Variants in ADIPOR2 observed in about 807,000 individuals in gnomAD.
ADIPOR2 encodes adiponectin receptor 2, also known as adiponectin receptor protein 2.
Under a neutral mutation model 40.9 loss-of-function variants are expected in ADIPOR2, and 18 were observed. That is an observed-to-expected ratio of 0.44 (90% CI 0.30 to 0.65). ADIPOR2 has a LOEUF of 0.65. Ranked by LOEUF, ADIPOR2 falls within the 30% of genes least tolerant of loss-of-function variation. ADIPOR2 has a pLI of 0.09. For missense variants in ADIPOR2, 283 were observed against 479.2 expected, an observed-to-expected ratio of 0.59 and a Z score of 3.82; for synonymous variants, 165 against 166.4, an observed-to-expected ratio of 0.99 and a Z score of 0.06.
At chr12:1,741,111 A>G (rs2094741956) in intron 1 of ADIPOR2, among the ~76,000 whole-genome samples, 1 of 152,174 alleles carries the variant, frequency 6.6e-6, no homozygotes, top group Non-Finnish European at 1.5e-5. Flanking sequence ...TGGTGGGGCA[A>G]AATCATTAAG....
At chr12:1,698,713 C>T (rs1442393621) in intron 1 of ADIPOR2, among the ~76,000 whole-genome samples, 1 of 152,032 alleles carries the variant, frequency 6.6e-6, no homozygotes. Flanking sequence ...ATATTTATTG[C>T]AAGCTAATTC....
chr12:1,695,033 G>GT (rs1337852552), intron 1 of ADIPOR2, among the ~76,000 whole-genome samples: 1 of 67,538 alleles, frequency 1.5e-5, no homozygotes, highest in African/African-American at 3.9e-5. Context: ...TTTTTGTTTT[G>GT]TTTTTTTAAG....
rs1174410490 is a variant in ADIPOR2, at chr12:1,704,854, C to T, written c.-87+13663C>T. Among the ~76,000 whole-genome samples the T allele has an allele frequency of 3.3e-5, 5 of 151,910 alleles. No homozygotes were observed. The South Asian group carries it at 1.0e-3, about 31-fold the overall frequency. On this transcript the variant is annotated intron_variant, in intron 1 of 7. Coordinates refer to ENST00000357103, the MANE Select transcript of ADIPOR2 (RefSeq NM_024551.3). Reference sequence around the variant, plus strand: ...TTTTTTCTTTTTATTCCTTTTCTTTCTCATACTGGTGGTCAGAAGAAGGCC... The same window carrying T: ...TTTTTTCTTTTTATTCCTTTTCTTTTTCATACTGGTGGTCAGAAGAAGGCC...
chr12:1,698,260 CA>C (rs2094643384), intron 1 of ADIPOR2, among the ~76,000 whole-genome samples: 2 of 151,082 alleles, frequency 1.3e-5, no homozygotes, highest in Non-Finnish European at 2.9e-5. Flanking sequence ...ATTTCTGAGA[CA>C]GGGTCTTGCT....
At position 1,780,519 on chromosome 12, in the gene ADIPOR2, C is replaced by T. The variant is rs1441759078; in HGVS notation, c.532C>T (p.Leu178=). Residue 178 remains leucine, a synonymous_variant, in exon 5 of 8, where the codon CTG becomes TTG. Coordinates refer to ENST00000357103, the MANE Select transcript of ADIPOR2 (RefSeq NM_024551.3). ...CCCAAATATCTCCTTTGTGGCCCCT[C>T]TGCAAGAGAAGGTGGTCTTTGGATT... ...FRPNISFVAP[L]QEKVVFGLFF... is the part of the protein sequence containing the mutation. 1 of 1,613,970 alleles carries T rather than the reference C, an allele frequency of 6.2e-7. No individual in the cohort carries two copies. Among genetic ancestry groups the T allele is most frequent in the South Asian group, 1.1e-5 (1 of 91,054 alleles).
rs1262091208 is a variant in ADIPOR2 at position 1,786,513 on chromosome 12, T to C, written c.*441T>C. The C allele has an allele frequency of 6.4e-6, 1 of 156,378 alleles. No individual in the cohort carries two copies. The highest frequency in any genetic ancestry group is 1.4e-5 in the Non-Finnish European group (1 of 70,638). 9.7% of individuals were successfully genotyped at this position (156,378 alleles called of 1,614,324 possible). A position where few individuals can be genotyped will look rare whatever the true frequency, so the allele number is the denominator to read the frequency against. On this transcript the variant is annotated 3_prime_UTR_variant, in exon 8 of 8. Transcript: ENST00000357103. ...CCGATAAGGGGTGGGAGTGTGATTT[T>C]AAATGCTCTTTTGGGAGAACAAAGA...
At chr12:1,760,301 C>A (rs1272071097) in intron 2 of ADIPOR2, among the ~76,000 whole-genome samples, 1 of 152,134 alleles carries the variant, frequency 6.6e-6, no homozygotes, top group Non-Finnish European at 1.5e-5. Flanking sequence ...CATTTACTCA[C>A]AGTTGACTCT....
intron 1 of ADIPOR2, among the ~76,000 whole-genome samples, chr12:1,720,210 G>T (rs974011187): frequency 6.6e-6 from 1 of 152,174 alleles, no homozygotes; most frequent in Non-Finnish European, 1.5e-5. Context: ...TATTTTTGAT[G>T]TGTGAATAGT....
intron 1 of ADIPOR2, among the ~76,000 whole-genome samples, chr12:1,732,047 G>C (rs1385984483): frequency 6.6e-6 from 1 of 151,602 alleles, no homozygotes; most frequent in African/African-American, 2.4e-5. Context: ...TTATGTTATA[G>C]AAAAATTGAG....
At chr12:1,747,859 G>T (rs1280510372) in intron 1 of ADIPOR2, among the ~76,000 whole-genome samples, 1 of 151,646 alleles carries the variant, frequency 6.6e-6, no homozygotes, top group Non-Finnish European at 1.5e-5. Flanking sequence ...TTTTCTCCTT[G>T]ACTTTGACTT....
intron 1 of ADIPOR2, among the ~76,000 whole-genome samples, chr12:1,735,223 A>G (rs1045701523): frequency 2.6e-5 from 4 of 152,206 alleles, no homozygotes; most frequent in Non-Finnish European, 5.9e-5. Flanking sequence ...CTTCCTACCC[A>G]TGAGCATGGA....
chr12:1,750,173 C>G (rs901564307), intron 1 of ADIPOR2, among the ~76,000 whole-genome samples: 1 of 151,882 alleles, frequency 6.6e-6, no homozygotes, highest in South Asian at 2.1e-4. Context: ...TTTTGCTAAG[C>G]GTATACTTAA....
chr12:1,762,391 G>A (rs1474088230), intron 2 of ADIPOR2, among the ~76,000 whole-genome samples: 1 of 152,090 alleles, frequency 6.6e-6, no homozygotes. Flanking sequence ...GTTCCATGGT[G>A]TAAGAATCTT....
chr12:1,757,663 T>C, intron 2 of ADIPOR2: 1 of 1,289,784 alleles, frequency 7.8e-7, no homozygotes, highest in African/African-American at 1.4e-5. Context: ...GTATTTGGCC[T>C]CCTCAGGTGT....
intron 2 of ADIPOR2, among the ~76,000 whole-genome samples, chr12:1,771,517 G>T (rs1247771456): frequency 2.6e-5 from 4 of 152,132 alleles, no homozygotes; most frequent in Admixed American, 6.5e-5. Context: ...AAGGATAGAT[G>T]GTAAGTTTTA....
intron 6 of ADIPOR2, among the ~76,000 whole-genome samples, chr12:1,781,764 A>G (rs1229226519): frequency 6.6e-6 from 1 of 152,148 alleles, no homozygotes; most frequent in Non-Finnish European, 1.5e-5. Context: ...TTCGTCCTTA[A>G]ACCCCCAAAA....
intron 1 of ADIPOR2, among the ~76,000 whole-genome samples, chr12:1,748,261 T>C (rs2094760219): frequency 6.6e-6 from 1 of 152,190 alleles, no homozygotes; most frequent in African/African-American, 2.4e-5. Context: ...ATTTATTCTT[T>C]TTTTAGAGAC....
chr12:1,772,012 G>T (rs2154444157), intron 2 of ADIPOR2, among the ~76,000 whole-genome samples: 1 of 152,354 alleles, frequency 6.6e-6, no homozygotes, highest in East Asian at 1.9e-4. Context: ...TAGTGGTGGA[G>T]CTGGCCTCAC....
At chr12:1,780,117 G>A (rs911367724) in intron 4 of ADIPOR2, 3 of 186,016 alleles carry the variant, frequency 1.6e-5, no homozygotes, top group Non-Finnish European at 3.3e-5. Context: ...GCCAAAAACT[G>A]TATAAATGAA....
Sources: allele counts gnomAD v4.1 joint callset (sites outside exome capture counted in the v4.1 genomes callset), GRCh38; gene constraint gnomAD v4.1.1; transcripts MANE v1.5; gene names NCBI Gene and HGNC (gene_info 2026-07-23, HGNC 2026-07-21).